The following SYN3 variants were observed in gnomAD, a reference collection of about 807,000 sequenced individuals.
SYN3 encodes synapsin-3.
A neutral mutation model predicts 65.8 loss-of-function variants in SYN3; 35 were observed. The observed-to-expected ratio is 0.53, with a 90% CI of 0.41 to 0.70. The LOEUF (loss-of-function observed/expected upper bound fraction) is 0.70, where lower values mean the gene tolerates loss of function less well. Ranked by LOEUF, SYN3 falls within the 30% of genes least tolerant of loss-of-function variation. The probability of loss-of-function intolerance (pLI) is 0.00; values close to 1 mark genes in which losing one functional copy is unlikely to be tolerated. For synonymous variants in SYN3, 270 were observed against 292.9 expected, an observed-to-expected ratio of 0.92 and a Z score of 0.80; for missense variants, 680 against 749.0, an observed-to-expected ratio of 0.91 and a Z score of 1.08.
chr22:32,985,954 T>C (rs2052512844), intron 2 of SYN3, among the ~76,000 whole-genome samples: 1 of 152,042 alleles, frequency 6.6e-6, no homozygotes. Context: ...CCTTGGTTCC[T>C]ACAGCACGCT....
chr22:32,605,689 T>G (rs2059362619), intron 6 of SYN3, among the ~76,000 whole-genome samples: 1 of 152,208 alleles, frequency 6.6e-6, no homozygotes. Flanking sequence ...CCCTCCTGCA[T>G]GGTGCCGCCT....
chr22:32,801,989 G>A lies in SYN3; in HGVS notation c.711+62926C>T. 6.3e-7 allele frequency: 1 copy of A among 1,582,656 alleles called. No individual in the cohort carries two copies. Among genetic ancestry groups the A allele is most frequent in the Non-Finnish European group, 8.5e-7 (1 of 1,171,268 alleles). On this transcript the variant is annotated intron_variant, in intron 6 of 13. Transcript: ENST00000358763. The surrounding 1 kb of genome is among the most constrained non-coding windows in gnomAD (Gnocchi z 4.7). ...GGCGAGCAGCAGCCCCGGCAGCGGCGGCAGCAGCGGCAATGACCCCTTGGC... is the reference window on the plus strand; with the variant it reads ...GGCGAGCAGCAGCCCCGGCAGCGGCAGCAGCAGCGGCAATGACCCCTTGGC...
At chr22:32,560,947 G>A (rs2058577927) in intron 7 of SYN3, among the ~76,000 whole-genome samples, 1 of 152,166 alleles carries the variant, frequency 6.6e-6, no homozygotes, top group African/African-American at 2.4e-5. Flanking sequence ...GGTAGGATGT[G>A]GGGTGTGAAG....
intron 6 of SYN3, among the ~76,000 whole-genome samples, chr22:32,744,226 G>A (rs1040518681): frequency 6.6e-6 from 1 of 152,062 alleles, no homozygotes; most frequent in African/African-American, 2.4e-5. Context: ...TCTTTCCCTC[G>A]TTGGGGACTC....
intron 1 of SYN3, among the ~76,000 whole-genome samples, chr22:33,054,051 G>C (rs1396123933): frequency 6.6e-6 from 1 of 152,156 alleles, no homozygotes; most frequent in Non-Finnish European, 1.5e-5. Context: ...GAGGGGGTTG[G>C]TGTCCTTATC....
At chr22:32,968,325 T>C (rs990068274) in intron 3 of SYN3, among the ~76,000 whole-genome samples, 3 of 152,218 alleles carry the variant, frequency 2.0e-5, no homozygotes, top group Non-Finnish European at 4.4e-5. Flanking sequence ...AAGGATGAGA[T>C]GACTTTTGCA....
chr22:32,918,161 C>T (rs970622193), intron 4 of SYN3, among the ~76,000 whole-genome samples: 10 of 152,240 alleles, frequency 6.6e-5, no homozygotes, highest in Admixed American at 4.6e-4. Flanking sequence ...TGCAAAGAGT[C>T]GGCTGGTCAT....
At chr22:32,832,399 T>C (rs913135951) in intron 6 of SYN3, among the ~76,000 whole-genome samples, 1 of 151,954 alleles carries the variant, frequency 6.6e-6, no homozygotes, top group Middle Eastern at 3.2e-3. Context: ...TTTTGTACAA[T>C]AAAAAACAAG....
In SYN3 at chr22:32,953,503, G is replaced by A. The variant is rs1024027326; in HGVS notation, c.370-22022C>T. On this transcript the variant is annotated intron_variant, in intron 3 of 13. Coordinates refer to ENST00000358763, the MANE Select transcript of SYN3 (RefSeq NM_003490.4). ...ATTTGATCAGTGATATGAGCAAAGT[G>A]AGGTAGCAAAACCTATTAATAAGGG... Among the ~76,000 whole-genome samples, 5 of 149,994 alleles carry A rather than the reference G, an allele frequency of 3.3e-5. 1 individual carries two copies.
intron 3 of SYN3, among the ~76,000 whole-genome samples, chr22:32,971,548 T>TC (rs1297477647): frequency 1.3e-5 from 2 of 151,926 alleles, no homozygotes; most frequent in African/African-American, 4.8e-5. Context: ...AATAGGAAGA[T>TC]CAAATTATGG....
intron 7 of SYN3, among the ~76,000 whole-genome samples, chr22:32,556,832 T>G (rs867419798): frequency 0.037 from 4,944 of 132,906 alleles, 316 homozygotes; most frequent in African/African-American, 0.063. Flanking sequence ...TTTTTTTTTT[T>G]TTTGTGTGTA....
intron 6 of SYN3, among the ~76,000 whole-genome samples, chr22:32,780,979 C>CCTTCCTTCCTTCCTTCCTTCCT (rs1569219327): frequency 1.3e-5 from 1 of 79,650 alleles, no homozygotes; most frequent in African/African-American, 4.8e-5. Flanking sequence ...CCTTCCTTCC[C>CCTTCCTTCCTTCCTTCCTTCCT]TCCTTCCTTC....
intron 11 of SYN3, among the ~76,000 whole-genome samples, chr22:32,528,240 C>A (rs2058014106): frequency 6.6e-6 from 1 of 152,200 alleles, no homozygotes; most frequent in Admixed American, 6.5e-5. Flanking sequence ...CGTGCCCCTT[C>A]CCAGCCAGCA....
chr22:32,940,150 A>G (rs1314857582), intron 3 of SYN3, among the ~76,000 whole-genome samples: 1 of 152,130 alleles, frequency 6.6e-6, no homozygotes. Context: ...AATTTAGGTA[A>G]TTTCATTTGG....
rs949468356 is a variant in SYN3, at chr22:32,606,773, C to T, written c.712-10037G>A. Among the ~76,000 whole-genome samples, 3 of 151,760 alleles carry T rather than the reference C, an allele frequency of 2.0e-5. No individual in the cohort carries two copies. In the East Asian group the frequency reaches 5.8e-4, roughly 29 times the overall value. On this transcript the variant is annotated intron_variant, in intron 6 of 13. Transcript: ENST00000358763. ...TTGCCTGCAGCGAAGTCCCTCTCTGCTCCTCTTCATTCAGCCAACTCTTTA... is the reference window on the plus strand; with the variant it reads ...TTGCCTGCAGCGAAGTCCCTCTCTGTTCCTCTTCATTCAGCCAACTCTTTA...
At chr22:32,643,673 C>A (rs2059939761) in intron 6 of SYN3, among the ~76,000 whole-genome samples, 1 of 151,410 alleles carries the variant, frequency 6.6e-6, no homozygotes, top group African/African-American at 2.4e-5. Flanking sequence ...ATATTTCAAA[C>A]CTCTAATATT....
intron 6 of SYN3, among the ~76,000 whole-genome samples, chr22:32,631,238 T>A (rs1459777665): frequency 6.7e-6 from 1 of 149,828 alleles, no homozygotes; most frequent in African/African-American, 2.5e-5. Flanking sequence ...GAGGTTGCAG[T>A]GAGCCAAGAT....
chr22:32,810,062 G>A (rs548367609), intron 6 of SYN3, among the ~76,000 whole-genome samples: 1 of 152,290 alleles, frequency 6.6e-6, no homozygotes, highest in South Asian at 2.1e-4. Context: ...ATTTTCCTAT[G>A]TTCATGTCTG....
At chr22:32,520,712 C>A (rs2057865850) in intron 12 of SYN3, among the ~76,000 whole-genome samples, 1 of 152,188 alleles carries the variant, frequency 6.6e-6, no homozygotes, top group African/African-American at 2.4e-5. Flanking sequence ...CCTCCCTTAC[C>A]AGATGTCACG....
Sources: gnomAD v4.1 joint callset for allele counts (sites outside exome capture counted in the v4.1 genomes callset) on GRCh38, gnomAD v4.1.1 for gene constraint, Gnocchi (gnomAD v3.1) non-coding constraint, MANE v1.5 for transcripts, NCBI Gene and HGNC (gene_info 2026-07-23, HGNC 2026-07-21) for gene names.